Variants in COA1 observed in about 807,000 individuals in gnomAD.
COA1 encodes the protein cytochrome c oxidase assembly factor 1 homolog.
In COA1, 13 loss-of-function variants were observed where a neutral mutation model predicts 16.0. The ratio of observed to expected loss-of-function variants is 0.81; its 90% CI spans 0.53 to 1.29. The LOEUF is 1.29. Ranked by LOEUF, COA1 falls within the 50% of genes most tolerant of loss-of-function variation. COA1 has a pLI of 0.00. For missense variants in COA1, 179 were observed against 177.0 expected (o/e 1.01, Z -0.06); for synonymous variants, 65 against 65.7 (o/e 0.99, Z 0.05).
At chr7:43,691,346 AGG>A (rs1563383202) in intron 1 of COA1, among the ~76,000 whole-genome samples, 21 of 12,090 alleles carry the variant, frequency 1.7e-3, no homozygotes, top group Non-Finnish European at 2.5e-3. Flanking sequence ...AGAGAGAGGG[AGG>A]GAGGGAGGGA....
intron 1 of COA1, among the ~76,000 whole-genome samples, chr7:43,679,264 CAAAAAAA>C (rs10618048): frequency 1.2e-5 from 1 of 84,120 alleles, no homozygotes. Flanking sequence ...AACTCCATTG[CAAAAAAA>C]AAAAAAAAAA....
intron 1 of COA1, among the ~76,000 whole-genome samples, chr7:43,670,362 A>C (rs1037930808): frequency 6.6e-6 from 1 of 152,164 alleles, no homozygotes; most frequent in Admixed American, 6.5e-5. Context: ...CTAAGGCAGA[A>C]GAATCACCTG....
intron 6 of COA1, among the ~76,000 whole-genome samples, chr7:43,613,662 G>A (rs967690241): frequency 1.3e-5 from 2 of 152,010 alleles, no homozygotes; most frequent in African/African-American, 4.8e-5. Flanking sequence ...AGGCAACATA[G>A]TGAGACCTCA....
intron 1 of COA1, among the ~76,000 whole-genome samples, chr7:43,691,527 A>G (rs2094368797): frequency 6.6e-6 from 1 of 152,192 alleles, no homozygotes; most frequent in African/African-American, 2.4e-5. Context: ...ACAAATGCAG[A>G]AAGTCAGAAT....
At chr7:43,720,208 G>A (rs994659955) in intron 1 of COA1, among the ~76,000 whole-genome samples, 3 of 151,956 alleles carry the variant, frequency 2.0e-5, no homozygotes, top group African/African-American at 7.3e-5. Flanking sequence ...GAAACCGGGA[G>A]GAAAGATTGC....
chr7:43,660,658 A>AC (rs2092329799), intron 1 of COA1, among the ~76,000 whole-genome samples: 1 of 151,656 alleles, frequency 6.6e-6, no homozygotes, highest in Admixed American at 6.6e-5. Context: ...CACCTAAATT[A>AC]CCCCCAATCT....
At chr7:43,711,982 C>T (rs1011643712) in intron 1 of COA1, among the ~76,000 whole-genome samples, 4 of 152,140 alleles carry the variant, frequency 2.6e-5, no homozygotes, top group Non-Finnish European at 4.4e-5. Flanking sequence ...TATTAAAACA[C>T]GGACTTTTAC....
chr7:43,700,545 T>TATAC (rs1415143766), intron 1 of COA1, among the ~76,000 whole-genome samples: 69 of 144,558 alleles, frequency 4.8e-4, no homozygotes, highest in African/African-American at 1.7e-3. Context: ...TATATATATA[T>TATAC]ATACATACAC....
downstream of COA1, among the ~76,000 whole-genome samples, chr7:43,637,052 T>TTTC (rs2085997223): frequency 6.6e-6 from 1 of 152,226 alleles, no homozygotes; most frequent in South Asian, 2.1e-4. Flanking sequence ...CTCTGGGGCC[T>TTTC]TTCTTCATGT....
chr7:43,645,620 T>C, intron 3 of COA1: 1 of 491,506 alleles, frequency 2.0e-6, no homozygotes. Flanking sequence ...GCAGATGACC[T>C]TGGGCCTTGA....
At chr7:43,634,450 G>C (rs1053982249), downstream of COA1, among the ~76,000 whole-genome samples, 1 of 152,176 alleles carries the variant, frequency 6.6e-6, no homozygotes, top group Admixed American at 6.5e-5. Flanking sequence ...GCTAGAACAC[G>C]TGGGTCCCAC....
At chr7:43,656,681 C>A (rs1470070216) in intron 1 of COA1, among the ~76,000 whole-genome samples, 1 of 152,040 alleles carries the variant, frequency 6.6e-6, no homozygotes, top group Non-Finnish European at 1.5e-5. Flanking sequence ...GGCTACAGAG[C>A]GAGATTCCAT....
intron 1 of COA1, among the ~76,000 whole-genome samples, chr7:43,691,366 AG>A (rs1563383867): frequency 0.046 from 3,076 of 66,384 alleles, 250 homozygotes; most frequent in African/African-American, 0.083. Flanking sequence ...GGAGGGAGGG[AG>A]GGAGGGAGGG....
chr7:43,657,713 TAAG>T (rs1358475997), intron 1 of COA1, among the ~76,000 whole-genome samples: 2 of 150,876 alleles, frequency 1.3e-5, no homozygotes, highest in Non-Finnish European at 3.0e-5. Flanking sequence ...GTTAAGAAAA[TAAG>T]AAGAAAAGCC....
chr7:43,627,691 C>T (rs1235980818), intron 6 of COA1, among the ~76,000 whole-genome samples: 1 of 152,230 alleles, frequency 6.6e-6, no homozygotes, highest in Non-Finnish European at 1.5e-5. Context: ...CTAGATTGAA[C>T]ACCTTGATCT....
intron 1 of COA1, among the ~76,000 whole-genome samples, chr7:43,705,382 T>C (rs1335184308): frequency 1.3e-5 from 2 of 152,132 alleles, no homozygotes; most frequent in Non-Finnish European, 2.9e-5. Flanking sequence ...CAGGTGCACA[T>C]TGGCAGGGGT....
downstream of COA1, among the ~76,000 whole-genome samples, chr7:43,635,701 A>G (rs749363761): frequency 1.3e-5 from 2 of 152,186 alleles, no homozygotes; most frequent in South Asian, 2.1e-4. Context: ...ATACCACTAC[A>G]TATCACTGGA....
chr7:43,644,673 T>G (rs1320927913), intron 4 of COA1, among the ~76,000 whole-genome samples: 1 of 148,904 alleles, frequency 6.7e-6, no homozygotes, highest in African/African-American at 2.5e-5. Flanking sequence ...ATTATAGGTG[T>G]GCACTATCAC....
rs1325298740 is a variant in COA1, at chr7:43,639,662, A to C, written c.361T>G (p.Phe121Val). 5 of 1,613,950 alleles carry C rather than the reference A, an allele frequency of 3.1e-6. No individual in the cohort carries two copies. The African/African-American group carries it at 4.0e-5, about 13-fold the overall frequency. Reference protein sequence around the residue: ...PFQRWHLDEVFLELKDGQQIP... With the variant: ...PFQRWHLDEVVLELKDGQQIP... ...TGCTGACCATCCTTGAGCTCTAAAA[A>C]GACCTCGTCAAGGTGCCACCTGAGA... is the stretch of plus-strand genomic sequence containing the variant. The change falls in exon 6 of 6, where the codon TTT (phenylalanine) becomes GTT (valine). Residue 121 changes from phenylalanine (F) to valine (V), a missense_variant. Coordinates refer to ENST00000223336, the MANE Select transcript of COA1 (RefSeq NM_018224.4).
Sources: allele counts gnomAD v4.1 joint callset (sites outside exome capture counted in the v4.1 genomes callset), GRCh38; gene constraint gnomAD v4.1.1; transcripts MANE v1.5; gene names NCBI Gene and HGNC (gene_info 2026-07-23, HGNC 2026-07-21).